The following MBD5 variants were observed in gnomAD, a reference collection of about 807,000 sequenced individuals.
MBD5 encodes methyl-CpG-binding domain protein 5.
MBD5 carries 13 observed loss-of-function variants against 117.3 expected under a neutral mutation model. The observed-to-expected ratio is 0.11, with a 90% CI of 0.07 to 0.18. MBD5 has a LOEUF of 0.18. Ranked by LOEUF, MBD5 falls within the 10% of genes least tolerant of loss-of-function variation. The pLI is 1.00. For synonymous variants in MBD5, 727 were observed against 766.4 expected, an observed-to-expected ratio of 0.95 and a Z score of 0.85; for missense variants, 1,879 against 2,093.8, an observed-to-expected ratio of 0.90 and a Z score of 2.00.
At chr2:148,294,149 A>G (rs940079747) in intron 3 of MBD5, among the ~76,000 whole-genome samples, 46 of 150,946 alleles carry the variant, frequency 3.0e-4, no homozygotes, top group African/African-American at 1.1e-3. Context: ...TCCTTGGAAC[A>G]TACTTATTTC....
intron 11 of MBD5, among the ~76,000 whole-genome samples, chr2:148,497,735 T>C (rs1681744266): frequency 6.7e-6 from 1 of 149,284 alleles, no homozygotes; most frequent in South Asian, 2.1e-4. Context: ...CAATGAGCTA[T>C]GATCACACCA....
chr2:148,108,506 A>G (rs773471415), intron 1 of MBD5, among the ~76,000 whole-genome samples: 2 of 150,520 alleles, frequency 1.3e-5, no homozygotes, highest in Non-Finnish European at 3.0e-5. Context: ...ATGGTCGGCT[A>G]TTGGGTTGTC....
chr2:148,417,996 C>T (rs539768341), intron 4 of MBD5, among the ~76,000 whole-genome samples: 5 of 152,066 alleles, frequency 3.3e-5, no homozygotes, highest in South Asian at 2.1e-4. Context: ...CCCACCACCA[C>T]GTGCAACTAA....
intron 1 of MBD5, among the ~76,000 whole-genome samples, chr2:148,139,978 C>A (rs1697274040): frequency 6.6e-6 from 1 of 152,132 alleles, no homozygotes; most frequent in Non-Finnish European, 1.5e-5. Flanking sequence ...AATATTGTTG[C>A]CGTGAAAATG....
At chr2:148,167,382 A>G (rs1698150905) in intron 1 of MBD5, among the ~76,000 whole-genome samples, 1 of 152,086 alleles carries the variant, frequency 6.6e-6, no homozygotes, top group African/African-American at 2.4e-5. Context: ...AGAAGACTGT[A>G]AGTTCTGATT....
intron 1 of MBD5, among the ~76,000 whole-genome samples, chr2:148,119,055 TG>T (rs1388782831): frequency 6.6e-6 from 1 of 152,208 alleles, no homozygotes; most frequent in Non-Finnish European, 1.5e-5. Context: ...TTATTGGAAT[TG>T]TTGGGTAAAT....
At chr2:148,302,551 T>C (rs575122938) in intron 3 of MBD5, among the ~76,000 whole-genome samples, 1 of 152,370 alleles carries the variant, frequency 6.6e-6, no homozygotes, top group Admixed American at 6.5e-5. Flanking sequence ...CAAGTCCATT[T>C]AATTACATAT....
chr2:148,223,164 T>A (rs1469250271), intron 2 of MBD5, among the ~76,000 whole-genome samples: 1 of 152,174 alleles, frequency 6.6e-6, no homozygotes, highest in Non-Finnish European at 1.5e-5. Flanking sequence ...TGAATTTGGT[T>A]TGCTAGTATT....
Position 148,483,908 on chromosome 2 carries a change from A to C in MBD5, c.3317A>C (p.Glu1106Ala). The C allele has an allele frequency of 6.4e-7, 1 of 1,550,572 alleles. No homozygotes were observed. Among genetic ancestry groups the C allele is most frequent in the South Asian group, 1.2e-5 (1 of 84,060 alleles). ...SASANTANHPEVSIATSSQAT... is the reference protein window; with the variant it reads ...SASANTANHPAVSIATSSQAT... ...TCGGCCAACACCGCTAATCATCCAG[A>C]GGTTTCCATAGCAACCTCCTCCCAG... Residue 1106 changes from glutamate (E) to alanine (A), a missense_variant, in exon 9 of 14, where the codon GAG becomes GCG. By Grantham distance (107) the Glu-to-Ala change is moderately radical. Coordinates refer to ENST00000642680, the MANE Select transcript of MBD5 (RefSeq NM_001378120.1).
intron 12 of MBD5, among the ~76,000 whole-genome samples, chr2:148,508,692 G>T (rs1304900460): frequency 6.6e-6 from 1 of 152,140 alleles, no homozygotes; most frequent in Non-Finnish European, 1.5e-5. Context: ...AAAGGTAGGG[G>T]TTGATGCCAT....
intron 2 of MBD5, among the ~76,000 whole-genome samples, chr2:148,180,343 C>CATATATACATATATAT (rs1553481826): frequency 9.5e-6 from 1 of 105,544 alleles, no homozygotes. Flanking sequence ...AAAAATTATA[C>CATATATACATATATAT]ATATATATAT....
chr2:148,440,853 T>C lies in MBD5; in HGVS notation c.-556-17350T>C, dbSNP rs563957874. 2.2e-3 allele frequency among the ~76,000 whole-genome samples: 335 copies of C among 152,324 alleles called. 1 individual carries two copies. The highest frequency in any genetic ancestry group is 7.5e-3 in the African/African-American group (311 of 41,588). ...AAAATGGGGAGAAGTTTTTTTTCTA[T>C]GCCCAGAGAGCAACATATGCGAAGG... On this transcript the variant is annotated intron_variant, in intron 4 of 13. Coordinates refer to ENST00000642680, the MANE Select transcript of MBD5 (RefSeq NM_001378120.1).
rs143358737 is a variant in MBD5, at chr2:148,263,352, G to T, written c.-680+29957G>T. 3.8e-4 allele frequency among the ~76,000 whole-genome samples: 58 copies of T among 152,258 alleles called. No individual in the cohort carries two copies. In the East Asian group the frequency reaches 9.7e-3, roughly 25 times the overall value. On this transcript the variant is annotated intron_variant, in intron 3 of 13. Transcript: ENST00000642680. ...TGTACACAGTTGTGGTGTGTGCATT[G>T]GGAGGCAGAGAGAGGGAGGGAGACG... is the stretch of plus-strand genomic sequence containing the variant.
chr2:148,367,648 C>G (rs1218391478), intron 4 of MBD5, among the ~76,000 whole-genome samples: 1 of 151,930 alleles, frequency 6.6e-6, no homozygotes, highest in Non-Finnish European at 1.5e-5. Flanking sequence ...ACAAACAACC[C>G]CATCAAAAAA....
chr2:148,444,145 T>G (rs1389265851), intron 4 of MBD5, among the ~76,000 whole-genome samples: 1 of 151,436 alleles, frequency 6.6e-6, no homozygotes, highest in Non-Finnish European at 1.5e-5. Context: ...TATTTATTCA[T>G]TTGGCTAAAA....
intron 1 of MBD5, among the ~76,000 whole-genome samples, chr2:148,045,569 A>G (rs1048954480): frequency 1.3e-5 from 2 of 152,166 alleles, no homozygotes; most frequent in Non-Finnish European, 2.9e-5. Flanking sequence ...ATGCCTTTCT[A>G]TAGATTTAAA....
intron 4 of MBD5, among the ~76,000 whole-genome samples, chr2:148,431,736 A>G (rs1012979826): frequency 1.3e-5 from 2 of 152,164 alleles, no homozygotes; most frequent in African/African-American, 2.4e-5. Context: ...ATGGCTTCAT[A>G]GTATTCTATG....
intron 2 of MBD5, among the ~76,000 whole-genome samples, chr2:148,207,223 A>G (rs1699305241): frequency 6.6e-6 from 1 of 152,140 alleles, no homozygotes; most frequent in South Asian, 2.1e-4. Context: ...TTGAGCATAT[A>G]TAGGTTGTAA....
chr2:148,363,927 A>T (rs978805966), intron 4 of MBD5, among the ~76,000 whole-genome samples: 2 of 152,186 alleles, frequency 1.3e-5, no homozygotes, highest in Non-Finnish European at 2.9e-5. Flanking sequence ...ACTCTTCAGG[A>T]TATTATTCAG....
Sources: gnomAD v4.1 joint callset for allele counts (sites outside exome capture counted in the v4.1 genomes callset) on GRCh38, gnomAD v4.1.1 for gene constraint, MANE v1.5 for transcripts, NCBI Gene and HGNC (gene_info 2026-07-23, HGNC 2026-07-21) for gene names.